The following RUVBL1 variants were observed in gnomAD, a reference collection of about 807,000 sequenced individuals.
RUVBL1 encodes RuvB like AAA ATPase 1.
Under a neutral mutation model 52.4 loss-of-function variants are expected in RUVBL1, and 4 were observed. The observed-to-expected ratio is 0.08, with a 90% CI of 0.04 to 0.17. The LOEUF is 0.17. Among genes scored for constraint, RUVBL1 ranks in the 10% least tolerant of loss-of-function variants. The pLI is 1.00. For missense variants in RUVBL1, 298 were observed against 572.8 expected, an observed-to-expected ratio of 0.52 and a Z score of 4.90; for synonymous variants, 217 against 214.4, an observed-to-expected ratio of 1.01 and a Z score of -0.10.
rs1444093756 is a variant in RUVBL1, at chr3:128,097,404, G to A, written c.912C>T (p.Val304=). ...LVPGVLFVDE[V]HMLDIECFTY... ...TGAAGCACTCAATGTCCAGCATGTG[G>A]ACCTCATCAACAAACAGCACACCCG... The change falls in exon 8 of 11, where the codon GTC becomes GTT. Residue 304 remains valine, a synonymous_variant. Transcript: ENST00000322623. 1.2e-6 allele frequency: 2 copies of A among 1,614,058 alleles called. No homozygotes were observed. Among genetic ancestry groups the A allele is most frequent in the Non-Finnish European group, 1.7e-6 (2 of 1,180,038 alleles).
chr3:128,130,883 G>A (rs572199163), intron 1 of RUVBL1, among the ~76,000 whole-genome samples: 10 of 151,800 alleles, frequency 6.6e-5, no homozygotes, highest in Admixed American at 6.6e-5. Flanking sequence ...ATCTCCTGAC[G>A]TCGTGATCTG....
At chr3:128,103,777 C>T (rs946986001) in intron 4 of RUVBL1, among the ~76,000 whole-genome samples, 21 of 152,322 alleles carry the variant, frequency 1.4e-4, no homozygotes, top group African/African-American at 5.1e-4. Context: ...ACTATACACA[C>T]ATACACACAC....
downstream of RUVBL1, among the ~76,000 whole-genome samples, chr3:128,079,273 C>T (rs1324158352): frequency 3.9e-5 from 6 of 152,374 alleles, no homozygotes; most frequent in African/African-American, 1.4e-4. Context: ...ATCTTGACAG[C>T]TCCTAGCTGC....
chr3:128,109,494 G>A (rs1943326413), intron 3 of RUVBL1, among the ~76,000 whole-genome samples: 1 of 152,072 alleles, frequency 6.6e-6, no homozygotes. Context: ...CGATTCTCAT[G>A]TCTCAGCCTC....
intron 2 of RUVBL1, among the ~76,000 whole-genome samples, chr3:128,116,049 C>T (rs1347730505): frequency 1.3e-5 from 2 of 151,990 alleles, no homozygotes; most frequent in African/African-American, 2.4e-5. Flanking sequence ...ACCACCTGAA[C>T]CCAAGAGGTA....
At chr3:128,070,660 C>G (rs1942135642) in intron 9 of RUVBL1, 1 of 152,342 alleles carries the variant, frequency 6.6e-6, no homozygotes, top group Non-Finnish European at 1.5e-5. Flanking sequence ...GACTTCCTTT[C>G]TGCGTCACCA....
intron 9 of RUVBL1, among the ~76,000 whole-genome samples, chr3:128,086,180 T>G (rs1942640619): frequency 6.6e-6 from 1 of 151,944 alleles, no homozygotes; most frequent in Admixed American, 6.6e-5. Flanking sequence ...GATGTTTTGG[T>G]GAGTAGGGGT....
In RUVBL1 at chr3:128,094,619, T is replaced by C. The variant is rs147188338; in HGVS notation, c.1016+2681A>G. On this transcript the variant is annotated intron_variant, in intron 8 of 10. Transcript: ENST00000322623. ...TATGGCCTGGGCAGGTAACCTCCCA[T>C]TTGAGTCTGGAGATAACCTCAACTG... 1.6e-3 allele frequency among the ~76,000 whole-genome samples: 242 copies of C among 152,262 alleles called. 1 individual carries two copies. Among genetic ancestry groups the C allele is most frequent in the African/African-American group, 5.4e-3 (224 of 41,550 alleles).
At chr3:128,114,911 G>A (rs1168351247) in intron 2 of RUVBL1, among the ~76,000 whole-genome samples, 2 of 151,922 alleles carry the variant, frequency 1.3e-5, no homozygotes, top group Admixed American at 6.6e-5. Flanking sequence ...GAACTTCAAA[G>A]ACAGTGACCA....
At chr3:128,099,651 T>C (rs1308744928) in intron 6 of RUVBL1, among the ~76,000 whole-genome samples, 1 of 152,222 alleles carries the variant, frequency 6.6e-6, no homozygotes, top group African/African-American at 2.4e-5. Flanking sequence ...TTTGGTCATT[T>C]ATTCAGCATT....
At chr3:128,069,409 C>T in intron 9 of RUVBL1, 1 of 1,485,910 alleles carries the variant, frequency 6.7e-7, no homozygotes, top group Non-Finnish European at 9.2e-7. Flanking sequence ...TCAGGTGAGC[C>T]TGTTGGCCGC....
chr3:128,088,449 C>CTG (rs1942723231), intron 8 of RUVBL1, among the ~76,000 whole-genome samples: 1 of 148,206 alleles, frequency 6.7e-6, no homozygotes, highest in South Asian at 2.1e-4. Flanking sequence ...ATAGTATATA[C>CTG]TAATTATACT....
At position 128,080,915 on chromosome 3, in the gene RUVBL1, A is replaced by G. The variant is rs776897268; in HGVS notation, c.*335T>C. The G allele has an allele frequency of 1.3e-5, 3 of 235,614 alleles. No homozygotes were observed. Among genetic ancestry groups the G allele is most frequent in the Admixed American group, 1.0e-4 (2 of 20,036 alleles). The allele number at this position is 235,614 out of a possible 1,614,324, so 14.6% of individuals were successfully genotyped here. ...AGAAGGGAAACTGGGTACAAGATACATGGGAACTCCCTATTGTATGTTCAC... is the reference window on the plus strand; with the variant it reads ...AGAAGGGAAACTGGGTACAAGATACGTGGGAACTCCCTATTGTATGTTCAC... On this transcript the variant is annotated 3_prime_UTR_variant, in exon 11 of 11. Coordinates refer to ENST00000322623, the MANE Select transcript of RUVBL1 (RefSeq NM_003707.3).
chr3:128,110,271 G>C (rs1310493246), intron 3 of RUVBL1, among the ~76,000 whole-genome samples: 1 of 152,096 alleles, frequency 6.6e-6, no homozygotes, highest in African/African-American at 2.4e-5. Context: ...GGACAACAGA[G>C]TAAGACCCTG....
At chr3:128,121,566 C>T (rs1431452273) in intron 1 of RUVBL1, among the ~76,000 whole-genome samples, 2 of 151,280 alleles carry the variant, frequency 1.3e-5, no homozygotes, top group Admixed American at 1.3e-4. Context: ...AAAAATTAGC[C>T]GAGCGTGGTG....
intron 8 of RUVBL1, among the ~76,000 whole-genome samples, chr3:128,094,366 G>A (rs554814198): frequency 1.4e-4 from 22 of 152,252 alleles, no homozygotes; most frequent in African/African-American, 3.9e-4. Context: ...GAGAGGGAGC[G>A]TACACTACCT....
chr3:128,128,006 A>AC (rs1234394717), upstream of RUVBL1, among the ~76,000 whole-genome samples: 1 of 135,674 alleles, frequency 7.4e-6, no homozygotes, highest in Non-Finnish European at 1.6e-5. Context: ...CAAAAATAAT[A>AC]AATACATACA....
Position 128,101,655 on chromosome 3 carries a change from A to C in RUVBL1, c.514-7T>G, listed in dbSNP as rs754566492. On this transcript the variant is annotated splice_polypyrimidine_tract_variant and splice_region_variant and intron_variant, in intron 4 of 10. Transcript: ENST00000322623. ...CAAAAATGCTGGGGTCCAGCTAAAA[A>C]AAAAAATGTAAATCAGAAGTGTAAT... 6.2e-7 allele frequency: 1 copy of C among 1,612,798 alleles called. No homozygotes were observed. Among genetic ancestry groups the C allele is most frequent in the Non-Finnish European group, 8.5e-7 (1 of 1,179,778 alleles).
chr3:128,065,054 C>T, exon 10 of RUVBL1: 2 of 1,613,676 alleles, frequency 1.2e-6, no homozygotes, highest in East Asian at 2.2e-5. Flanking sequence ...CCAGATCCAA[C>T]CCCAGGGAGT....
Sources: gnomAD v4.1 joint callset for allele counts (sites outside exome capture counted in the v4.1 genomes callset) on GRCh38, gnomAD v4.1.1 for gene constraint, MANE v1.5 for transcripts, NCBI Gene and HGNC (gene_info 2026-07-23, HGNC 2026-07-21) for gene names.